ZNF233: variants seen among roughly 807,000 people sequenced by gnomAD.
The protein encoded by ZNF233 is zinc finger protein 233.
Under a neutral mutation model 11.6 loss-of-function variants are expected in ZNF233, and 7 were observed. The observed-to-expected ratio is 0.60, with a 90% confidence interval of 0.34 to 1.13. The LOEUF (loss-of-function observed/expected upper bound fraction) is 1.13. Among genes scored for constraint, ZNF233 ranks in the 50% most tolerant of loss-of-function variants. ZNF233 has a pLI of 0.03. For synonymous variants in ZNF233, 226 were observed against 268.5 expected (o/e 0.84, Z 1.55); for missense variants, 711 against 785.5 (o/e 0.91, Z 1.13).
intron 4 of ZNF233, among the ~76,000 whole-genome samples, chr19:44,268,932 A>G (rs928785488): frequency 1.7e-4 from 26 of 152,222 alleles, no homozygotes; most frequent in African/African-American, 6.3e-4. Flanking sequence ...TTAAACAAAC[A>G]AAAAAAGCAA....
At chr19:44,260,721 T>C (rs1974915224) in intron 1 of ZNF233, among the ~76,000 whole-genome samples, 1 of 152,186 alleles carries the variant, frequency 6.6e-6, no homozygotes, top group South Asian at 2.1e-4. Flanking sequence ...ACCCCCTGGC[T>C]CTTGGTAACA....
At chr19:44,269,134 T>A (rs567963758) in intron 4 of ZNF233, among the ~76,000 whole-genome samples, 1 of 152,284 alleles carries the variant, frequency 6.6e-6, no homozygotes, top group African/African-American at 2.4e-5. Context: ...GCCTCATTTT[T>A]AAAAATTTTC....
At chr19:44,272,844 G>A (rs1975273511) in intron 4 of ZNF233, 55 bp from the exon 5 acceptor site, 3 of 1,272,284 alleles carry the variant, frequency 2.4e-6, no homozygotes, top group South Asian at 1.6e-5. Flanking sequence ...TTTTATTTCT[G>A]AACAAATGTT....
chr19:44,261,630 C>G (rs537044367), intron 1 of ZNF233, among the ~76,000 whole-genome samples: 1 of 148,358 alleles, frequency 6.7e-6, no homozygotes, highest in African/African-American at 2.5e-5. Context: ...TGGATTGACC[C>G]TTTTATGAAT....
chr19:44,263,077 G>A (rs1381070178), intron 1 of ZNF233, among the ~76,000 whole-genome samples: 1 of 152,144 alleles, frequency 6.6e-6, no homozygotes, highest in Non-Finnish European at 1.5e-5. Context: ...AAATGGGAAC[G>A]ACAGTCATCA....
chr19:44,263,082 T>A (rs891727802), intron 1 of ZNF233, among the ~76,000 whole-genome samples: 1 of 152,174 alleles, frequency 6.6e-6, no homozygotes, highest in Non-Finnish European at 1.5e-5. Context: ...GGAACGACAG[T>A]CATCATATCA....
chr19:44,268,276 C>T (rs1347727453), intron 4 of ZNF233: 1 of 152,150 alleles, frequency 6.6e-6, no homozygotes, highest in East Asian at 1.9e-4. Flanking sequence ...ATTTTGTTTA[C>T]TTTTCTATGG....
chr19:44,260,885 C>A (rs555973611), intron 1 of ZNF233, among the ~76,000 whole-genome samples: 1 of 152,234 alleles, frequency 6.6e-6, no homozygotes, highest in African/African-American at 2.4e-5. Flanking sequence ...GGCATGTGTT[C>A]GTGAATGAGT....
chr19:44,267,748 C>T (rs536467667), intron 4 of ZNF233: 2 of 225,754 alleles, frequency 8.9e-6, no homozygotes, highest in African/African-American at 2.3e-5. Context: ...TTACCTCATA[C>T]ATCCTCTTGG....
Position 44,266,276 on chromosome 19 carries a change from C to T in ZNF233, c.94C>T (p.Leu32=). The part of the protein sequence containing the change: ...LGLLDLAQRK[L]YQDVMLENFR... ...GTTGCTGGACCTTGCCCAGAGAAAG[C>T]TGTACCAAGATGTGATGCTGGAGAA... Residue 32 remains leucine (L), a synonymous_variant, in exon 3 of 5, where the codon CTG becomes TTG. Coordinates refer to ENST00000683810, the MANE Select transcript of ZNF233 (RefSeq NM_001207005.2). 6.2e-7 allele frequency: 1 copy of T among 1,611,914 alleles called. No homozygotes were observed.
chr19:44,274,206 G>T lies in ZNF233; in HGVS notation c.1546G>T (p.Asp516Tyr). The T allele has an allele frequency of 6.2e-7, 1 of 1,614,026 alleles. No homozygotes were observed. Among genetic ancestry groups the T allele is most frequent in the South Asian group, 1.1e-5 (1 of 91,068 alleles). Residue 516 changes from aspartate (D) to tyrosine (Y), a missense_variant, in exon 5 of 5, where the codon GAC becomes TAC. Physicochemically the swap from Asp to Tyr is radical, Grantham distance 160. Coordinates refer to ENST00000683810, the MANE Select transcript of ZNF233 (RefSeq NM_001207005.2). ...KPYKCDTCGK[D>Y]FSQISHLQAH... ...CTACAAATGTGACACATGTGGGAAG[G>T]ACTTCAGTCAGATCTCTCATCTTCA...
intron 4 of ZNF233, 30 bp downstream of exon 4, chr19:44,266,991 G>C (rs750523558): frequency 2.4e-5 from 38 of 1,572,542 alleles, no homozygotes; most frequent in African/African-American, 5.4e-5. Flanking sequence ...GAGTCTTTGC[G>C]GGGTACAGCC....
Position 44,273,831 on chromosome 19 carries a change from G to T in ZNF233, c.1171G>T (p.Asp391Tyr), listed in dbSNP as rs749225300. Residue 391 changes from aspartate (D) to tyrosine (Y), a missense_variant, in exon 5 of 5, where the codon GAC becomes TAC. Coordinates refer to ENST00000683810, the MANE Select transcript of ZNF233 (RefSeq NM_001207005.2). ...CTTAGATTTTGACATTCACTGTGTA[G>T]ACAGTGCTGGAGAGAGAGCCTGTAA... ...HSLDFDIHCV[D>Y]SAGERACKCD... is the part of the protein sequence containing the mutation. 1 of 1,614,188 alleles carries T rather than the reference G, an allele frequency of 6.2e-7. No homozygotes were observed. The highest frequency in any genetic ancestry group is 1.1e-5 in the South Asian group (1 of 91,088).
At chr19:44,266,071 T>TA (rs1300445923) in intron 2 of ZNF233, 127 bp from the exon 3 acceptor site, 3 of 1,049,088 alleles carry the variant, frequency 2.9e-6, no homozygotes, top group Non-Finnish European at 3.9e-6. Context: ...GGAAGCTACT[T>TA]AAAGTTCATT....
intron 4 of ZNF233, among the ~76,000 whole-genome samples, chr19:44,268,473 C>G (rs1349552997): frequency 6.6e-6 from 1 of 152,072 alleles, no homozygotes; most frequent in Non-Finnish European, 1.5e-5. Context: ...ACTACTGTGC[C>G]CAACACTAAT....
chr19:44,262,366 T>A (rs1479314513), intron 1 of ZNF233, among the ~76,000 whole-genome samples: 1 of 152,214 alleles, frequency 6.6e-6, no homozygotes, highest in Non-Finnish European at 1.5e-5. Flanking sequence ...ACGAGAGGAC[T>A]TGACAACCTA....
Position 44,273,223 on chromosome 19 carries a change from T to C in ZNF233, c.563T>C (p.Leu188Pro). 1 of 1,613,748 alleles carries C rather than the reference T, an allele frequency of 6.2e-7. No individual in the cohort carries two copies. The highest frequency in any genetic ancestry group is 8.5e-7 in the Non-Finnish European group (1 of 1,180,036). Residue 188 changes from leucine to proline, a missense_variant, in exon 5 of 5, where the codon CTG (leucine) becomes CCG (proline). Physicochemically the swap from Leu to Pro is moderately conservative, Grantham distance 98. Coordinates refer to ENST00000683810, the MANE Select transcript of ZNF233 (RefSeq NM_001207005.2). ...TTWDFWRKMY[L>P]REPQNYQSRC... is the part of the protein sequence containing the mutation. ...TGGGATTTCTGGAGGAAAATGTATC[T>C]GAGAGAACCACAGAATTATCAGAGT...
chr19:44,260,950 A>G (rs757023895), intron 1 of ZNF233, among the ~76,000 whole-genome samples: 7 of 152,222 alleles, frequency 4.6e-5, no homozygotes, highest in Non-Finnish European at 8.8e-5. Flanking sequence ...TAGGCTTTAT[A>G]TGCATTAATT....
intron 4 of ZNF233, chr19:44,267,223 C>A: frequency 2.3e-6 from 1 of 430,726 alleles, no homozygotes; most frequent in Non-Finnish European, 4.1e-6. Flanking sequence ...AAAATCTCTA[C>A]GAGCCTTCAG....
Sources: allele counts gnomAD v4.1 joint callset (sites outside exome capture counted in the v4.1 genomes callset), GRCh38; gene constraint gnomAD v4.1.1; transcripts MANE v1.5; gene names NCBI Gene and HGNC (gene_info 2026-07-23, HGNC 2026-07-21).